The following PLD1 variants were observed in gnomAD, a reference collection of about 807,000 sequenced individuals.
The protein encoded by PLD1 is phospholipase D1.
PLD1 carries 112 observed loss-of-function variants against 137.1 expected under a neutral mutation model. The ratio of observed to expected loss-of-function variants is 0.82; its 90% confidence interval spans 0.70 to 0.96. The LOEUF (loss-of-function observed/expected upper bound fraction) is 0.96. Ranked by LOEUF, PLD1 falls within the 40% of genes least tolerant of loss-of-function variation. The pLI is 0.00. For synonymous variants in PLD1, 431 were observed against 454.7 expected, an observed-to-expected ratio of 0.95 and a Z score of 0.66; for missense variants, 1,321 against 1,342.0, an observed-to-expected ratio of 0.98 and a Z score of 0.24.
intron 23 of PLD1, among the ~76,000 whole-genome samples, chr3:171,623,884 A>ATT (rs1733855552): frequency 6.6e-6 from 1 of 152,094 alleles, no homozygotes; most frequent in Non-Finnish European, 1.5e-5. Context: ...ATAAACTCCA[A>ATT]ATGGATCAGA....
chr3:171,611,809 T>C (rs773793432), intron 25 of PLD1, among the ~76,000 whole-genome samples: 1 of 152,180 alleles, frequency 6.6e-6, no homozygotes, highest in African/African-American at 2.4e-5. Context: ...TAGTATTTAA[T>C]TGGCTCACGT....
At chr3:171,773,453 T>C (rs1269744421) in intron 1 of PLD1, among the ~76,000 whole-genome samples, 1 of 151,794 alleles carries the variant, frequency 6.6e-6, no homozygotes, top group Non-Finnish European at 1.5e-5. Context: ...AATACAAAAA[T>C]TAGCCGGGCG....
chr3:171,683,812 T>C (rs1010129807), intron 16 of PLD1, among the ~76,000 whole-genome samples: 1 of 152,250 alleles, frequency 6.6e-6, no homozygotes, highest in Non-Finnish European at 1.5e-5. Context: ...GAATAGTGAT[T>C]GGCATATAAC....
At chr3:171,661,026 T>G (rs972065623) in intron 20 of PLD1, among the ~76,000 whole-genome samples, 40 of 152,226 alleles carry the variant, frequency 2.6e-4, no homozygotes, top group African/African-American at 9.2e-4. Context: ...TTAATAATAC[T>G]AATAGCATTA....
At chr3:171,784,221 T>C (rs1578468854) in intron 1 of PLD1, among the ~76,000 whole-genome samples, 2 of 152,226 alleles carry the variant, frequency 1.3e-5, no homozygotes, top group East Asian at 3.8e-4. Flanking sequence ...TTGTGTCTTA[T>C]AGTTCTCACT....
At chr3:171,786,881 T>A (rs974175685) in intron 1 of PLD1, among the ~76,000 whole-genome samples, 3 of 152,148 alleles carry the variant, frequency 2.0e-5, no homozygotes, top group Non-Finnish European at 2.9e-5. Context: ...ATCAAATAGA[T>A]CTTTCAATAC....
intron 1 of PLD1, among the ~76,000 whole-genome samples, chr3:171,743,187 C>G (rs1382062342): frequency 1.3e-5 from 2 of 152,194 alleles, no homozygotes; most frequent in African/African-American, 4.8e-5. Flanking sequence ...GGATACTCAT[C>G]TACAGGCAAA....
At chr3:171,705,173 A>G (rs903303937) in intron 11 of PLD1, among the ~76,000 whole-genome samples, 1 of 152,244 alleles carries the variant, frequency 6.6e-6, no homozygotes, top group African/African-American at 2.4e-5. Context: ...CAAATAAATA[A>G]GATACTATTT....
At position 171,710,660 on chromosome 3, in the gene PLD1, A is replaced by T. The variant is rs941192019; in HGVS notation, c.912-951T>A. ...GACTGGTACCCCGAGGGGGTTGGCG[A>T]CCCCTGCTCTAGAGGGCACTTCCCC... On this transcript the variant is annotated intron_variant, in intron 9 of 26. Transcript: ENST00000351298. 4.0e-5 allele frequency among the ~76,000 whole-genome samples: 6 copies of T among 151,776 alleles called. No individual in the cohort carries two copies. The South Asian group carries it at 8.3e-4, about 21-fold the overall frequency.
chr3:171,660,039 G>C (rs1055861444), intron 20 of PLD1, among the ~76,000 whole-genome samples: 3 of 152,048 alleles, frequency 2.0e-5, no homozygotes, highest in African/African-American at 7.2e-5. Flanking sequence ...TGAAAAATTT[G>C]GTGCAAATAT....
intron 23 of PLD1, among the ~76,000 whole-genome samples, chr3:171,630,669 G>GAATACT (rs1734575842): frequency 7.1e-6 from 1 of 141,244 alleles, no homozygotes. Flanking sequence ...ATACACCATG[G>GAATACT]AATACTATGC....
intron 19 of PLD1, among the ~76,000 whole-genome samples, chr3:171,663,382 G>A (rs1174695955): frequency 1.1e-4 from 16 of 152,270 alleles, no homozygotes; most frequent in Admixed American, 6.5e-4. Flanking sequence ...GCTGTTGATC[G>A]TGTTTCTTAA....
intron 23 of PLD1, among the ~76,000 whole-genome samples, chr3:171,621,912 T>C (rs953141534): frequency 2.6e-5 from 4 of 152,202 alleles, no homozygotes; most frequent in Non-Finnish European, 5.9e-5. Context: ...CAAACATTTA[T>C]ATAATCTTCA....
At chr3:171,606,573 G>A (rs79963160) in intron 25 of PLD1, among the ~76,000 whole-genome samples, 2 of 152,310 alleles carry the variant, frequency 1.3e-5, no homozygotes, top group African/African-American at 2.4e-5. Context: ...GCCAGAGGAT[G>A]TGGAATCCTG....
At chr3:171,710,872 CTTTTTTT>C (rs774704143) in intron 9 of PLD1, among the ~76,000 whole-genome samples, 3 of 98,572 alleles carry the variant, frequency 3.0e-5, no homozygotes, top group South Asian at 6.4e-4. Flanking sequence ...GAAAACTGTT[CTTTTTTT>C]TTTTTTTTTT....
At chr3:171,606,240 C>T (rs180774890) in intron 25 of PLD1, among the ~76,000 whole-genome samples, 29 of 152,306 alleles carry the variant, frequency 1.9e-4, no homozygotes, top group Middle Eastern at 6.8e-3. Context: ...TAATAATGTA[C>T]AGCTGTAGTC....
chr3:171,645,213 G>A (rs865934235), intron 21 of PLD1, among the ~76,000 whole-genome samples, 190 bp from the exon 22 acceptor site: 9 of 152,286 alleles, frequency 5.9e-5, no homozygotes, highest in African/African-American at 2.2e-4. Flanking sequence ...CCAGGCTATC[G>A]CTTCATAGCC....
intron 21 of PLD1, among the ~76,000 whole-genome samples, chr3:171,652,738 C>A (rs879847657): frequency 1.3e-5 from 2 of 149,208 alleles, no homozygotes; most frequent in Non-Finnish European, 3.0e-5. Flanking sequence ...ATGGCTGGGA[C>A]CACAGGCATG....
At chr3:171,713,842 G>A in intron 9 of PLD1, 51 bp downstream of exon 9, 1 of 1,492,554 alleles carries the variant, frequency 6.7e-7, no homozygotes, top group Non-Finnish European at 9.2e-7. Flanking sequence ...AGAAAAAAAT[G>A]TTTTTAAGGC....
Sources: gnomAD v4.1 joint callset for allele counts (sites outside exome capture counted in the v4.1 genomes callset) on GRCh38, gnomAD v4.1.1 for gene constraint, MANE v1.5 for transcripts, NCBI Gene and HGNC (gene_info 2026-07-23, HGNC 2026-07-21) for gene names.